TPPP: variants seen among roughly 807,000 people sequenced by gnomAD.
TPPP encodes tubulin polymerization-promoting protein.
Under a neutral mutation model 15.5 loss-of-function variants are expected in TPPP, and 6 were observed. That is an observed-to-expected ratio of 0.39 (90% CI 0.21 to 0.77). The LOEUF is 0.77. Among genes scored for constraint, TPPP ranks in the 30% least tolerant of loss-of-function variants. The pLI is 0.42. For missense variants in TPPP, 269 were observed against 307.2 expected (o/e 0.88, Z 0.93); for synonymous variants, 146 against 133.9 (o/e 1.09, Z -0.63).
intron 2 of TPPP, among the ~76,000 whole-genome samples, chr5:670,408 G>A (rs1229776171): frequency 6.6e-6 from 1 of 152,168 alleles, no homozygotes; most frequent in Non-Finnish European, 1.5e-5. Flanking sequence ...GGGCTGTGGA[G>A]GGGAATCTCT....
At chr5:682,041 C>T (rs1740638447) in intron 1 of TPPP, among the ~76,000 whole-genome samples, 1 of 151,330 alleles carries the variant, frequency 6.6e-6, no homozygotes, top group African/African-American at 2.4e-5. Flanking sequence ...ACCTGGGCCC[C>T]ATTTGTCAGA....
chr5:667,498 G>A (rs1739969652), intron 2 of TPPP, among the ~76,000 whole-genome samples: 1 of 152,168 alleles, frequency 6.6e-6, no homozygotes, highest in Non-Finnish European at 1.5e-5. Flanking sequence ...GTGACCTGGG[G>A]TTAGGCGAAG....
chr5:685,837 G>A (rs1055226079), intron 1 of TPPP, among the ~76,000 whole-genome samples: 5 of 152,162 alleles, frequency 3.3e-5, no homozygotes, highest in Admixed American at 1.3e-4. Context: ...CAGGCCACAC[G>A]GCAGATCCCC....
chr5:664,815 T>G lies in TPPP; in HGVS notation c.*287A>C, dbSNP rs1015096700. On this transcript the variant is annotated 3_prime_UTR_variant, in exon 4 of 4. Coordinates refer to ENST00000360578, the MANE Select transcript of TPPP (RefSeq NM_007030.3). ...ACGCCCCTTTGACCTGCAAACCACG[T>G]GCCCAGTGTGGTGTGATCCGCGAGA... is the stretch of plus-strand genomic sequence containing the variant. 11 of 395,740 alleles carry G rather than the reference T, an allele frequency of 2.8e-5. No homozygotes were observed. The highest frequency in any genetic ancestry group is 4.6e-5 in the Non-Finnish European group (10 of 217,548). 24.5% of individuals were successfully genotyped at this position (395,740 alleles called of 1,614,324 possible).
intron 2 of TPPP, among the ~76,000 whole-genome samples, chr5:669,905 G>T (rs929884685): frequency 6.6e-6 from 1 of 152,148 alleles, no homozygotes; most frequent in Non-Finnish European, 1.5e-5. Context: ...ACATAGAGTG[G>T]GCCTGTCCTC....
chr5:668,042 G>C lies in TPPP; in HGVS notation c.312-1919C>G, dbSNP rs371338095. On this transcript the variant is annotated intron_variant, in intron 2 of 3. Transcript: ENST00000360578. ...CAAGCACACAGAGAGGGGGCCGTGTGGGCGCCGTCAGGGAAGTACCGACAA... is the reference window on the plus strand; with the variant it reads ...CAAGCACACAGAGAGGGGGCCGTGTCGGCGCCGTCAGGGAAGTACCGACAA... Among the ~76,000 whole-genome samples the C allele has an allele frequency of 2.0e-3, 86 of 42,864 alleles. 22 individuals are homozygous for C. In the East Asian group the frequency reaches 0.061, roughly 30 times the overall value. 28.1% of individuals were successfully genotyped at this position (42,864 alleles called of 152,430 possible).
At chr5:668,264 C>G (rs1740023702) in intron 2 of TPPP, among the ~76,000 whole-genome samples, 1 of 62,040 alleles carries the variant, frequency 1.6e-5, no homozygotes, top group Non-Finnish European at 2.8e-5. Context: ...CGGACAAGCA[C>G]ACGGAGAGGG....
upstream of TPPP, among the ~76,000 whole-genome samples, chr5:696,917 T>A (rs1362379112): frequency 1.3e-5 from 2 of 150,400 alleles, no homozygotes; most frequent in African/African-American, 4.9e-5. Flanking sequence ...TGTGCCTGTG[T>A]CTCTGTGTGT....
At chr5:680,776 C>T (rs1740600355) in intron 1 of TPPP, among the ~76,000 whole-genome samples, 1 of 152,136 alleles carries the variant, frequency 6.6e-6, no homozygotes, top group Non-Finnish European at 1.5e-5. Flanking sequence ...CTTCACTGTT[C>T]TAGGTTCTTG....
At chr5:674,910 CAG>C (rs1448971519) in intron 2 of TPPP, among the ~76,000 whole-genome samples, 1 of 150,322 alleles carries the variant, frequency 6.7e-6, no homozygotes. Context: ...GCCTGTACTG[CAG>C]AGTCAGGCGC....
rs1161979507 is a variant in TPPP, at chr5:664,670, T to A, written c.*432A>T. 1.1e-5 allele frequency: 2 copies of A among 176,620 alleles called. No homozygotes were observed. Among genetic ancestry groups the A allele is most frequent in the Non-Finnish European group, 2.4e-5 (2 of 83,178 alleles). The allele number at this position is 176,620 out of a possible 1,614,324, so 10.9% of individuals were successfully genotyped here. ...CTCCCACGTCCGGTGTGGGGCCAATTCCGTGTTAGTTGCCTGCTGGTTGGG... is the reference window on the plus strand; with the variant it reads ...CTCCCACGTCCGGTGTGGGGCCAATACCGTGTTAGTTGCCTGCTGGTTGGG... On this transcript the variant is annotated 3_prime_UTR_variant, in exon 4 of 4. Transcript: ENST00000360578.
At chr5:674,451 C>T (rs548041111) in intron 2 of TPPP, among the ~76,000 whole-genome samples, 2 of 152,280 alleles carry the variant, frequency 1.3e-5, no homozygotes, top group Non-Finnish European at 2.9e-5. Flanking sequence ...CCTGCTTCTG[C>T]GTGGGCTAAA....
intron 2 of TPPP, among the ~76,000 whole-genome samples, chr5:670,628 G>T (rs1288851245): frequency 1.3e-5 from 2 of 152,098 alleles, no homozygotes; most frequent in African/African-American, 4.8e-5. Flanking sequence ...GCCCTGTCTG[G>T]CATCGCCATC....
chr5:685,736 C>T (rs1740749125), intron 1 of TPPP, among the ~76,000 whole-genome samples: 1 of 152,216 alleles, frequency 6.6e-6, no homozygotes, highest in South Asian at 2.1e-4. Context: ...CTTGCAGCGC[C>T]CAGCGTGGCC....
intron 1 of TPPP, chr5:692,497 G>GC (rs575480734): frequency 5.7e-6 from 5 of 878,660 alleles, no homozygotes; most frequent in African/African-American, 4.4e-5. Flanking sequence ...CAAGACAACA[G>GC]CCCCCCCAAA....
At chr5:695,672 A>G (rs2126920050), upstream of TPPP, among the ~76,000 whole-genome samples, 1 of 151,754 alleles carries the variant, frequency 6.6e-6, no homozygotes, top group East Asian at 1.9e-4. Context: ...CCCTGTCCTC[A>G]CGGGGCCTCC....
intron 2 of TPPP, among the ~76,000 whole-genome samples, chr5:668,304 G>A (rs1406531205): frequency 1.1e-5 from 1 of 89,958 alleles, no homozygotes; most frequent in East Asian, 3.1e-4. Flanking sequence ...GGGAAGTACC[G>A]ACAAGCACAC....
intron 1 of TPPP, among the ~76,000 whole-genome samples, chr5:692,060 CT>C (rs1277088611): frequency 4.2e-5 from 5 of 119,568 alleles, no homozygotes; most frequent in Admixed American, 1.6e-4. Context: ...CCCCAACCCC[CT>C]ATCAAAACAG....
In TPPP at chr5:669,708, G is replaced by A. The variant is rs759676276; in HGVS notation, c.312-3585C>T. 3.5e-4 allele frequency among the ~76,000 whole-genome samples: 54 copies of A among 152,152 alleles called. No individual in the cohort carries two copies. The Middle Eastern group carries it at 0.01, about 29-fold the overall frequency. On this transcript the variant is annotated intron_variant, in intron 2 of 3. Coordinates refer to ENST00000360578, the MANE Select transcript of TPPP (RefSeq NM_007030.3). ...CCCATCAGAGGCGACATTCAGATCCGGACACCTGCTCTGCGCGCTCCCCGA... is the reference window on the plus strand; with the variant it reads ...CCCATCAGAGGCGACATTCAGATCCAGACACCTGCTCTGCGCGCTCCCCGA...
Sources: gnomAD v4.1 joint callset for allele counts (sites outside exome capture counted in the v4.1 genomes callset) on GRCh38, gnomAD v4.1.1 for gene constraint, MANE v1.5 for transcripts, NCBI Gene and HGNC (gene_info 2026-07-23, HGNC 2026-07-21) for gene names.